Variants in TNFRSF13B observed in about 807,000 individuals in gnomAD.
The protein encoded by TNFRSF13B is TNF receptor superfamily member 13B, also known as tumor necrosis factor receptor superfamily member 13B.
In TNFRSF13B, 34 loss-of-function variants were observed where a neutral mutation model predicts 24.0. That is an observed-to-expected ratio of 1.41 (90% CI 1.08 to 1.88). The LOEUF (loss-of-function observed/expected upper bound fraction) is 1.88. TNFRSF13B is among the 40% of genes most tolerant of loss of function. The pLI, the probability that TNFRSF13B is intolerant of heterozygous loss-of-function variation, is 0.00. For missense variants in TNFRSF13B, 415 were observed against 380.8 expected, an observed-to-expected ratio of 1.09 and a Z score of -0.75; for synonymous variants, 173 against 150.3, an observed-to-expected ratio of 1.15 and a Z score of -1.10.
Position 16,940,366 on chromosome 17 carries a change from G to T in TNFRSF13B, c.591C>A (p.Pro197=). 6.2e-7 allele frequency: 1 copy of T among 1,613,936 alleles called. No individual in the cohort carries two copies. The highest frequency in any genetic ancestry group is 8.5e-7 in the Non-Finnish European group (1 of 1,180,012). ...KKRGDPCSCQ[P]RSRPRQSPAK... is the part of the protein sequence containing the mutation. Reference sequence around the variant, plus strand: ...CCGGACTTTGACGGGGCCTTGAGCGGGGCTGGCAGGAGCAGGGATCCCCCC... The same window carrying T: ...CCGGACTTTGACGGGGCCTTGAGCGTGGCTGGCAGGAGCAGGGATCCCCCC... The change falls in exon 4 of 5, where the codon CCC becomes CCA. Residue 197 remains proline, a synonymous_variant. Transcript: ENST00000261652.
chr17:16,955,080 C>G (rs1396364680), intron 1 of TNFRSF13B, among the ~76,000 whole-genome samples: 1 of 152,224 alleles, frequency 6.6e-6, no homozygotes, highest in Non-Finnish European at 1.5e-5. Context: ...GGGAGATTCT[C>G]TCCAGAAAAT....
rs1382297863 is a variant in TNFRSF13B, at chr17:16,952,539, CG to C, written c.105del (p.Glu36LysfsTer48). The C allele has an allele frequency of 5.6e-6, 9 of 1,614,214 alleles. No individual in the cohort carries two copies. In the East Asian group the frequency reaches 2.0e-4, roughly 36 times the overall value. On this transcript the variant is annotated frameshift_variant, in exon 2 of 5. Coordinates refer to ENST00000261652, the MANE Select transcript of TNFRSF13B (RefSeq NM_012452.3). LOFTEE classifies it high-confidence loss of function. ...LWTGVAMRSC[P>X]EEQYWDPLLG... is the part of the protein sequence containing the mutation. ...AGCAGAGGATCCCAGTACTGCTCTT[CG>C]GGGCAGGATCTCATAGCCACCCCCG...
At chr17:16,969,579 A>C (rs886932096) in intron 1 of TNFRSF13B, among the ~76,000 whole-genome samples, 4 of 152,230 alleles carry the variant, frequency 2.6e-5, no homozygotes, top group Non-Finnish European at 5.9e-5. Flanking sequence ...GGGGTCATCA[A>C]AATCTTCCAA....
At chr17:16,950,244 T>A (rs539797377) in intron 2 of TNFRSF13B, among the ~76,000 whole-genome samples, 1 of 152,318 alleles carries the variant, frequency 6.6e-6, no homozygotes, top group South Asian at 2.1e-4. Flanking sequence ...GCTGTACCAC[T>A]TGCAGGCAGT....
chr17:16,963,867 C>G (rs1211430114), intron 1 of TNFRSF13B, among the ~76,000 whole-genome samples: 1 of 152,126 alleles, frequency 6.6e-6, no homozygotes, highest in Non-Finnish European at 1.5e-5. Context: ...TCCAGTCTTT[C>G]AAGCAAACAC....
chr17:16,964,153 GAGA>G (rs1416346292), intron 1 of TNFRSF13B, among the ~76,000 whole-genome samples: 1 of 152,002 alleles, frequency 6.6e-6, no homozygotes, highest in Non-Finnish European at 1.5e-5. Flanking sequence ...AGACAGGGAA[GAGA>G]AGGAGAGAAG....
intron 3 of TNFRSF13B, among the ~76,000 whole-genome samples, chr17:16,943,892 TG>T: frequency 6.6e-6 from 1 of 152,116 alleles, no homozygotes. Context: ...TCCCTGCACC[TG>T]CCCCGGAGCC....
rs748322277 is a variant in TNFRSF13B at position 16,942,990 on chromosome 17, TCGAGAAGTCCAA to T, written c.446-2491_446-2480del. ...TGCTCCCTTGGGCCTGAGCTACCAC[TCGAGAAGTCCAA>T]CTGGAGAGTCCCAGTGGAGAGGGGC... On this transcript the variant is annotated intron_variant, in intron 3 of 4. Transcript: ENST00000261652. Among the ~76,000 whole-genome samples the T allele has an allele frequency of 4.2e-4, 64 of 152,216 alleles. No homozygotes were observed. In the South Asian group the frequency reaches 7.0e-3, roughly 17 times the overall value.
rs533246452 is a variant in TNFRSF13B at position 16,940,906 on chromosome 17, C to T, written c.446-395G>A. On this transcript the variant is annotated intron_variant, in intron 3 of 4. Coordinates refer to ENST00000261652, the MANE Select transcript of TNFRSF13B (RefSeq NM_012452.3). ...CCAAGGAGAAAGCTTCCTGAGTGAG[C>T]GTTTACAGTCGTCCCTTGGTATCCA... is the stretch of plus-strand genomic sequence containing the variant. The T allele has an allele frequency of 1.2e-4, 132 of 1,118,724 alleles. 2 individuals are homozygous for T. The South Asian group carries it at 2.6e-3, about 22-fold the overall frequency. 69.3% of individuals were successfully genotyped at this position (1,118,724 alleles called of 1,614,324 possible).
chr17:16,948,657 T>TC, intron 3 of TNFRSF13B, 81 bp downstream of exon 3: 3 of 1,601,642 alleles, frequency 1.9e-6, no homozygotes, highest in Non-Finnish European at 2.6e-6. Flanking sequence ...TTGTGGACTC[T>TC]CCTGTTCTAG....
chr17:16,966,386 A>G (rs990300431), intron 1 of TNFRSF13B, among the ~76,000 whole-genome samples: 2 of 152,234 alleles, frequency 1.3e-5, no homozygotes, highest in African/African-American at 4.8e-5. Context: ...ACTCAGATCT[A>G]AAGAATAAGC....
intron 3 of TNFRSF13B, 28 bp from the exon 4 acceptor site, chr17:16,940,539 G>T: frequency 1.9e-6 from 3 of 1,608,348 alleles, no homozygotes; most frequent in East Asian, 4.5e-5. Flanking sequence ...ACCCCTCTCT[G>T]CAGTGCCTTC....
intron 3 of TNFRSF13B, among the ~76,000 whole-genome samples, chr17:16,945,139 G>A (rs1268803712): frequency 6.6e-6 from 1 of 152,212 alleles, no homozygotes; most frequent in African/African-American, 2.4e-5. Flanking sequence ...CAAAAGCCGC[G>A]CCATGGCACA....
At chr17:16,952,402 G>GA in intron 2 of TNFRSF13B, 44 bp downstream of exon 2, 1 of 1,613,122 alleles carries the variant, frequency 6.2e-7, no homozygotes, top group South Asian at 1.1e-5. Flanking sequence ...GAGAAAGGAG[G>GA]AGGGTGATCA....
chr17:16,962,549 A>G (rs1410250489), intron 1 of TNFRSF13B, among the ~76,000 whole-genome samples: 1 of 152,110 alleles, frequency 6.6e-6, no homozygotes, highest in Admixed American at 6.5e-5. Context: ...AAAGGAAAAG[A>G]AAGGTAATCA....
intron 1 of TNFRSF13B, among the ~76,000 whole-genome samples, chr17:16,953,910 G>T (rs2087607586): frequency 6.6e-6 from 1 of 152,144 alleles, no homozygotes; most frequent in Admixed American, 6.5e-5. Flanking sequence ...GGGATTACAA[G>T]TGCATGCTAC....
Position 16,948,985 on chromosome 17 carries a change from TGGGA to T in TNFRSF13B, c.200-6_200-3del. 6.2e-7 allele frequency: 1 copy of T among 1,613,878 alleles called. No homozygotes were observed. The highest frequency in any genetic ancestry group is 8.5e-7 in the Non-Finnish European group (1 of 1,179,976). ...GCTCCTTGCGGCAGCTGAGTGACCC[TGGGA>T]GAGAGAAATTCATGATACTGCTGGG... is the stretch of plus-strand genomic sequence containing the variant. On this transcript the variant is annotated splice_polypyrimidine_tract_variant and splice_region_variant and intron_variant, in intron 2 of 4. Coordinates refer to ENST00000261652, the MANE Select transcript of TNFRSF13B (RefSeq NM_012452.3).
chr17:16,951,651 G>A (rs1419834758), intron 2 of TNFRSF13B, among the ~76,000 whole-genome samples: 1 of 152,214 alleles, frequency 6.6e-6, no homozygotes, highest in Non-Finnish European at 1.5e-5. Context: ...CACTTTGGGA[G>A]GCCGAGGTGG....
intron 3 of TNFRSF13B, among the ~76,000 whole-genome samples, chr17:16,942,474 A>G (rs1403781789): frequency 6.6e-6 from 1 of 151,960 alleles, no homozygotes; most frequent in Non-Finnish European, 1.5e-5. Context: ...AGTTCGTGTC[A>G]CTCCGCCAGT....
Sources: gnomAD v4.1 joint callset for allele counts (sites outside exome capture counted in the v4.1 genomes callset) on GRCh38, gnomAD v4.1.1 for gene constraint, MANE v1.5 for transcripts, NCBI Gene and HGNC (gene_info 2026-07-23, HGNC 2026-07-21) for gene names.